The following NYAP2 variants were observed in gnomAD, a reference collection of about 807,000 sequenced individuals.
NYAP2 encodes neuronal tyrosine-phosphorylated phosphoinositide-3-kinase adaptor 2.
In NYAP2, 23 loss-of-function variants were observed where a neutral mutation model predicts 50.4. The ratio of observed to expected loss-of-function variants is 0.46; its 90% CI spans 0.33 to 0.65. The LOEUF (loss-of-function observed/expected upper bound fraction) is 0.65. Among genes scored for constraint, NYAP2 ranks in the 30% least tolerant of loss-of-function variants. The probability of loss-of-function intolerance (pLI) is 0.02; values close to 1 mark genes in which losing one functional copy is unlikely to be tolerated. For missense variants in NYAP2, 885 were observed against 861.0 expected, an observed-to-expected ratio of 1.03 and a Z score of -0.35; for synonymous variants, 394 against 365.2, an observed-to-expected ratio of 1.08 and a Z score of -0.90.
chr2:225,423,720 C>G (rs191365528), intron 3 of NYAP2, among the ~76,000 whole-genome samples: 3 of 152,236 alleles, frequency 2.0e-5, no homozygotes, highest in Non-Finnish European at 4.4e-5. Context: ...GTGACAGGCT[C>G]ATAATGCTCA....
chr2:225,495,119 C>A (rs1439171801), intron 3 of NYAP2, among the ~76,000 whole-genome samples: 1 of 152,120 alleles, frequency 6.6e-6, no homozygotes, highest in African/African-American at 2.4e-5. Flanking sequence ...AATTATTCTA[C>A]TAAAATAGTC....
intron 4 of NYAP2, among the ~76,000 whole-genome samples, chr2:225,518,696 C>T (rs575283542): frequency 5.0e-4 from 73 of 146,764 alleles, no homozygotes; most frequent in African/African-American, 1.8e-3. Context: ...ACATATTATA[C>T]ATGGCAAATA....
At chr2:225,633,667 CAAT>C (rs1452982615) in intron 6 of NYAP2, among the ~76,000 whole-genome samples, 5 of 152,154 alleles carry the variant, frequency 3.3e-5, no homozygotes, top group African/African-American at 1.2e-4. Context: ...CCTCAGGACT[CAAT>C]GATGGAAATG....
chr2:225,469,708 G>C (rs1228681652), intron 3 of NYAP2, among the ~76,000 whole-genome samples: 1 of 152,204 alleles, frequency 6.6e-6, no homozygotes, highest in African/African-American at 2.4e-5. Flanking sequence ...CAGGGACATG[G>C]ATGAAGCTGG....
At position 225,400,879 on chromosome 2, in the gene NYAP2, T is replaced by G. The variant is rs1694848627; in HGVS notation, c.-182T>G. 6.6e-6 allele frequency: 1 copy of G among 152,528 alleles called. No homozygotes were observed. Among genetic ancestry groups the G allele is most frequent in the Non-Finnish European group, 1.5e-5 (1 of 68,004 alleles). 9.4% of individuals were successfully genotyped at this position (152,528 alleles called of 1,614,324 possible). ...CGACACTTTTCCCATCCAGACACAA[T>G]GCACTTTAATTGAAGAAACACTGAG... On this transcript the variant is annotated 5_prime_UTR_variant, in exon 2 of 7. The change abolishes an upstream ATG in the 5' untranslated region. Transcript: ENST00000636099.
At chr2:225,660,038 A>G in the NYAP2 span, among the ~76,000 whole-genome samples, 1 of 152,174 alleles carries the variant, frequency 6.6e-6, no homozygotes, top group African/African-American at 2.4e-5. Flanking sequence ...AGTTGGTTCT[A>G]TCACTGGTTT....
At chr2:225,608,698 G>A (rs963172387) in intron 5 of NYAP2, among the ~76,000 whole-genome samples, 4 of 151,962 alleles carry the variant, frequency 2.6e-5, no homozygotes, top group African/African-American at 2.4e-5. Context: ...TATTTTCTAC[G>A]TGTCTCTACC....
intron 4 of NYAP2, among the ~76,000 whole-genome samples, chr2:225,526,268 A>G (rs190335281): frequency 1.2e-4 from 18 of 152,334 alleles, no homozygotes; most frequent in Admixed American, 1.2e-3. Context: ...AAAATAATCC[A>G]TCATACAAAG....
intron 4 of NYAP2, among the ~76,000 whole-genome samples, chr2:225,520,060 T>C (rs1691019374): frequency 6.6e-6 from 1 of 152,236 alleles, no homozygotes; most frequent in African/African-American, 2.4e-5. Flanking sequence ...TTCAGTTACA[T>C]AAATGTCTTC....
chr2:225,410,081 T>A (rs1448006802), intron 3 of NYAP2, among the ~76,000 whole-genome samples: 1 of 152,082 alleles, frequency 6.6e-6, no homozygotes, highest in Non-Finnish European at 1.5e-5. Flanking sequence ...TTAAAATGAA[T>A]TATTCATGCT....
chr2:225,401,435 A>C (rs1234709668), intron 2 of NYAP2, among the ~76,000 whole-genome samples: 1 of 152,058 alleles, frequency 6.6e-6, no homozygotes, highest in African/African-American at 2.4e-5. Context: ...TAGCACATTT[A>C]TGTCAGCAGT....
Position 225,582,171 on chromosome 2 carries a change from A to G in NYAP2, c.754A>G (p.Ile252Val). Residue 252 changes from isoleucine to valine, a missense_variant, in exon 5 of 7, where the codon ATT becomes GTT. Transcript: ENST00000636099. This position sits in a 1 kb window ranked among gnomAD's most constrained non-coding sequence, Gnocchi z 7.0. ...CGTGTACATCGAGATGGTGGGGAAC[A>G]TTCTCAGAGACTTCAGGAAGGAGGA... The G allele has an allele frequency of 1.2e-6, 2 of 1,614,030 alleles. No homozygotes were observed. Among genetic ancestry groups the G allele is most frequent in the Non-Finnish European group, 1.7e-6 (2 of 1,179,882 alleles).
chr2:225,473,959 T>C lies in NYAP2; in HGVS notation c.222-39412T>C, dbSNP rs1285835741. ...TGGTTTTAGGTCTAACATTTAAGTC[T>C]TGAATCCATCTTGAATTAATTTTTG... On this transcript the variant is annotated intron_variant, in intron 3 of 6. Transcript: ENST00000636099. Among the ~76,000 whole-genome samples, 4 of 152,372 alleles carry C rather than the reference T, an allele frequency of 2.6e-5. No individual in the cohort carries two copies. In the East Asian group the frequency reaches 5.8e-4, roughly 22 times the overall value.
chr2:225,627,785 A>G (rs1693234963), intron 6 of NYAP2, among the ~76,000 whole-genome samples: 2 of 152,240 alleles, frequency 1.3e-5, no homozygotes, highest in Non-Finnish European at 2.9e-5. Context: ...TTTTTAAAAA[A>G]CAGCATATGT....
intron 3 of NYAP2, among the ~76,000 whole-genome samples, chr2:225,500,021 G>T (rs1690577794): frequency 6.6e-6 from 1 of 152,096 alleles, no homozygotes; most frequent in Non-Finnish European, 1.5e-5. Context: ...GAATAAAGTG[G>T]AAGAACAATA....
chr2:225,421,346 T>A (rs1167189137), intron 3 of NYAP2, among the ~76,000 whole-genome samples: 1 of 152,240 alleles, frequency 6.6e-6, no homozygotes, highest in African/African-American at 2.4e-5. Context: ...GGATTGAAAA[T>A]CATTTGTCAA....
chr2:225,601,761 G>A (rs1692694726), intron 5 of NYAP2, among the ~76,000 whole-genome samples: 1 of 152,024 alleles, frequency 6.6e-6, no homozygotes, highest in African/African-American at 2.4e-5. Context: ...TTTAGTTGTA[G>A]AAGTTCTTTA....
chr2:225,470,965 T>A (rs1690005047), intron 3 of NYAP2, among the ~76,000 whole-genome samples: 1 of 152,164 alleles, frequency 6.6e-6, no homozygotes, highest in Admixed American at 6.5e-5. Context: ...TTTCTTGATT[T>A]CTTTTTAGAT....
At chr2:225,465,275 A>C (rs1689898772) in intron 3 of NYAP2, among the ~76,000 whole-genome samples, 1 of 152,076 alleles carries the variant, frequency 6.6e-6, no homozygotes. Flanking sequence ...CTACTTGTGC[A>C]TGAACCTGAC....
Sources: gnomAD v4.1 joint callset for allele counts (sites outside exome capture counted in the v4.1 genomes callset) on GRCh38, gnomAD v4.1.1 for gene constraint, Gnocchi (gnomAD v3.1) non-coding constraint, MANE v1.5 for transcripts, NCBI Gene and HGNC (gene_info 2026-07-23, HGNC 2026-07-21) for gene names.